Variants in GRID1 observed in about 807,000 individuals in gnomAD.
The protein encoded by GRID1 is glutamate receptor ionotropic, delta-1.
Under a neutral mutation model 98.0 loss-of-function variants are expected in GRID1, and 28 were observed. The ratio of observed to expected loss-of-function variants is 0.29; its 90% CI spans 0.21 to 0.39. The LOEUF is 0.39. Among genes scored for constraint, GRID1 ranks in the 10% least tolerant of loss-of-function variants. The pLI is 1.00. For missense variants in GRID1, 1,111 were observed against 1,340.5 expected (o/e 0.83, Z 2.67); for synonymous variants, 553 against 538.5 (o/e 1.03, Z -0.37).
intron 4 of GRID1, among the ~76,000 whole-genome samples, chr10:85,927,111 G>C (rs1354601605): frequency 1.3e-5 from 2 of 152,170 alleles, no homozygotes; most frequent in Non-Finnish European, 2.9e-5. Context: ...TTCCTGCCTT[G>C]CAAGTTAGGA....
chr10:86,076,798 T>C (rs1843888737), intron 4 of GRID1, among the ~76,000 whole-genome samples: 1 of 136,988 alleles, frequency 7.3e-6, no homozygotes, highest in African/African-American at 2.7e-5. Context: ...GCCTTTGTAC[T>C]AGCTGCTGAG....
chr10:86,151,141 C>T (rs1845163049), intron 3 of GRID1, among the ~76,000 whole-genome samples: 1 of 152,132 alleles, frequency 6.6e-6, no homozygotes, highest in Non-Finnish European at 1.5e-5. Context: ...GCCTCTGACT[C>T]CAGAGCCAGA....
chr10:86,014,756 TGGGCA>T (rs1253010840), intron 4 of GRID1, among the ~76,000 whole-genome samples: 2 of 152,338 alleles, frequency 1.3e-5, no homozygotes, highest in African/African-American at 4.8e-5. Context: ...GTTTTCAGGC[TGGGCA>T]CTATTCCCTC....
chr10:85,962,689 A>C (rs551371115), intron 4 of GRID1, among the ~76,000 whole-genome samples: 37 of 152,302 alleles, frequency 2.4e-4, no homozygotes, highest in Admixed American at 2.1e-3. Flanking sequence ...TGTCTAAAGC[A>C]CTGAGCAGGG....
At chr10:86,106,722 T>C (rs995490249) in intron 4 of GRID1, among the ~76,000 whole-genome samples, 1 of 152,032 alleles carries the variant, frequency 6.6e-6, no homozygotes, top group African/African-American at 2.4e-5. Context: ...AGAGGGGTCT[T>C]GGTGAGGTGC....
chr10:86,146,370 A>G (rs188306734), intron 3 of GRID1, among the ~76,000 whole-genome samples: 14 of 152,202 alleles, frequency 9.2e-5, no homozygotes, highest in Admixed American at 7.2e-4. Context: ...CATAATTCAA[A>G]TTCATTTCTA....
At chr10:86,296,567 C>A (rs150992352) in intron 2 of GRID1, among the ~76,000 whole-genome samples, 1 of 152,010 alleles carries the variant, frequency 6.6e-6, no homozygotes, top group Admixed American at 6.6e-5. Flanking sequence ...AGTGAAACCC[C>A]GTCTCTACTA....
intron 4 of GRID1, among the ~76,000 whole-genome samples, chr10:86,078,126 T>C (rs1589363396): frequency 6.6e-6 from 1 of 152,230 alleles, no homozygotes; most frequent in South Asian, 2.1e-4. Flanking sequence ...TGCCCATCCA[T>C]GGGCCATCTC....
intron 2 of GRID1, among the ~76,000 whole-genome samples, chr10:86,240,760 C>T (rs1464508512): frequency 1.3e-5 from 2 of 152,224 alleles, no homozygotes; most frequent in African/African-American, 4.8e-5. Flanking sequence ...AACCTAACAA[C>T]ATGTGGCTTT....
intron 14 of GRID1, among the ~76,000 whole-genome samples, chr10:85,618,066 ACC>A (rs1257215490): frequency 5.3e-5 from 8 of 152,064 alleles, no homozygotes; most frequent in African/African-American, 1.7e-4. Context: ...TTCTGCTCTG[ACC>A]TAATGGGAGC....
intron 8 of GRID1, among the ~76,000 whole-genome samples, chr10:85,800,233 T>C (rs972865262): frequency 1.3e-5 from 2 of 151,668 alleles, no homozygotes; most frequent in Non-Finnish European, 2.9e-5. Flanking sequence ...AGCAAACCAA[T>C]GGCCAAAATT....
At chr10:86,349,919 A>G (rs1848439507) in intron 2 of GRID1, among the ~76,000 whole-genome samples, 1 of 152,218 alleles carries the variant, frequency 6.6e-6, no homozygotes, top group Admixed American at 6.5e-5. Context: ...ATAAATTAAT[A>G]ACATCATTGC....
At chr10:85,702,200 A>C (rs1841459379) in intron 12 of GRID1, among the ~76,000 whole-genome samples, 1 of 152,126 alleles carries the variant, frequency 6.6e-6, no homozygotes, top group South Asian at 2.1e-4. Context: ...AATGAAATCC[A>C]TAAAACATTG....
At chr10:86,037,313 G>A (rs1422060756) in intron 4 of GRID1, among the ~76,000 whole-genome samples, 1 of 152,212 alleles carries the variant, frequency 6.6e-6, no homozygotes, top group East Asian at 1.9e-4. Flanking sequence ...TCAAAAAGCA[G>A]GGAGCCTGAT....
chr10:85,758,374 G>C (rs912671615), intron 8 of GRID1, among the ~76,000 whole-genome samples: 3 of 152,162 alleles, frequency 2.0e-5, no homozygotes, highest in African/African-American at 7.2e-5. Flanking sequence ...CTAGGGGTGG[G>C]CAATTTCTTT....
rs907138033 is a variant in GRID1 at position 86,073,492 on chromosome 10, G to C, written c.726+65327C>G. On this transcript the variant is annotated intron_variant, in intron 4 of 15. Coordinates refer to ENST00000327946, the MANE Select transcript of GRID1 (RefSeq NM_017551.3). ...AGTATAACTGTCTGGTGGGTTCCCTGGGGGTGTGGTTATGCAGCCTGGAAA... is the reference window on the plus strand; with the variant it reads ...AGTATAACTGTCTGGTGGGTTCCCTCGGGGTGTGGTTATGCAGCCTGGAAA... Among the ~76,000 whole-genome samples, 4 of 152,350 alleles carry C rather than the reference G, an allele frequency of 2.6e-5. No homozygotes were observed. In the East Asian group the frequency reaches 7.7e-4, roughly 29 times the overall value.
At chr10:86,158,150 G>T (rs1325591511) in intron 3 of GRID1, among the ~76,000 whole-genome samples, 9 of 152,156 alleles carry the variant, frequency 5.9e-5, no homozygotes, top group Non-Finnish European at 1.3e-4. Context: ...CCATTCATCG[G>T]CCTGAGACTA....
chr10:85,973,550 A>C (rs11595438), intron 4 of GRID1, among the ~76,000 whole-genome samples: 19,593 of 152,124 alleles, frequency 0.13, 1,390 homozygotes, highest in Admixed American at 0.22. Context: ...GATTTAATTA[A>C]CATGGGCTTC....
At chr10:85,859,746 C>A (rs1263378201) in intron 6 of GRID1, among the ~76,000 whole-genome samples, 1 of 152,186 alleles carries the variant, frequency 6.6e-6, no homozygotes, top group Non-Finnish European at 1.5e-5. Context: ...TGTGGCTCCC[C>A]CATCTTCTCT....
Sources: allele counts gnomAD v4.1 joint callset (sites outside exome capture counted in the v4.1 genomes callset), GRCh38; gene constraint gnomAD v4.1.1; transcripts MANE v1.5; gene names NCBI Gene and HGNC (gene_info 2026-07-23, HGNC 2026-07-21).